Variants in ACAD10 observed in about 807,000 individuals in gnomAD.
ACAD10 encodes the protein ACAD-10.
ACAD10 carries 112 observed loss-of-function variants against 116.8 expected under a neutral mutation model. That is an observed-to-expected ratio of 0.96 (90% CI 0.82 to 1.12). The LOEUF is 1.12. Among genes scored for constraint, ACAD10 ranks in the 50% most tolerant of loss-of-function variants. The pLI, the probability that ACAD10 is intolerant of heterozygous loss-of-function variation, is 0.00. For synonymous variants in ACAD10, 486 were observed against 510.6 expected (o/e 0.95, Z 0.65); for missense variants, 1,259 against 1,350.2 (o/e 0.93, Z 1.06).
At chr12:111,747,545 G>A in intron 16 of ACAD10, 160 bp downstream of exon 16, 1 of 1,464,254 alleles carries the variant, frequency 6.8e-7, no homozygotes, top group Non-Finnish European at 9.0e-7. Flanking sequence ...GAATAGGAGG[G>A]TAATCCGTGG....
intron 6 of ACAD10, among the ~76,000 whole-genome samples, chr12:111,714,205 A>T (rs1888774715): frequency 6.6e-6 from 1 of 151,064 alleles, no homozygotes. Flanking sequence ...AGATCATGCC[A>T]CTGCACTGCA....
chr12:111,707,149 G>A lies in ACAD10; in HGVS notation c.531+1217G>A, dbSNP rs564406761. 7.3e-5 allele frequency among the ~76,000 whole-genome samples: 11 copies of A among 150,954 alleles called. No individual in the cohort carries two copies. The South Asian group carries it at 2.3e-3, about 31-fold the overall frequency. ...CTGTCGCCCAGGTTGGAGTTCAGTG[G>A]CGCAATCTCAGCTCATTGCATCCTC... On this transcript the variant is annotated intron_variant, in intron 4 of 20. Transcript: ENST00000313698.
intron 18 of ACAD10, among the ~76,000 whole-genome samples, chr12:111,750,210 G>A (rs1174343703): frequency 1.3e-5 from 2 of 150,332 alleles, no homozygotes; most frequent in Admixed American, 6.6e-5. Context: ...TCTTGCCTCA[G>A]CCTCCCGAGT....
intron 19 of ACAD10, among the ~76,000 whole-genome samples, chr12:111,754,895 G>A (rs931867754): frequency 1.2e-4 from 18 of 152,194 alleles, no homozygotes; most frequent in African/African-American, 3.6e-4. Context: ...CACTTGCTTC[G>A]CATCTTGTGA....
At chr12:111,744,270 C>G (rs1039457902) in intron 12 of ACAD10, among the ~76,000 whole-genome samples, 3 of 151,992 alleles carry the variant, frequency 2.0e-5, no homozygotes, top group Non-Finnish European at 4.4e-5. Context: ...TGCAGGACTT[C>G]TTATAGCCCA....
chr12:111,728,103 G>A lies in ACAD10; in HGVS notation c.1203G>A (p.Val401=). Residue 401 remains valine, a synonymous_variant, in exon 9 of 21, where the codon GTG becomes GTA. Transcript: ENST00000313698. ...MNTVLCKIHS[V]DLQAVGLEDY... ...CAGTCCTGTGCAAAATTCACAGTGTGGATCTGCAGGCTGTGGGACTTGAAG... is the reference window on the plus strand; with the variant it reads ...CAGTCCTGTGCAAAATTCACAGTGTAGATCTGCAGGCTGTGGGACTTGAAG... The A allele has an allele frequency of 6.2e-7, 1 of 1,611,312 alleles. No homozygotes were observed. The highest frequency in any genetic ancestry group is 8.5e-7 in the Non-Finnish European group (1 of 1,178,906).
At chr12:111,701,798 C>G (rs569793973) in intron 2 of ACAD10, among the ~76,000 whole-genome samples, 23 of 152,322 alleles carry the variant, frequency 1.5e-4, no homozygotes, top group African/African-American at 5.5e-4. Flanking sequence ...CCACCAGGAT[C>G]TGGCTTCTTC....
At position 111,706,019 on chromosome 12, in the gene ACAD10, C is replaced by A. The variant is rs990725926; in HGVS notation, c.531+87C>A. The A allele has an allele frequency of 6.3e-6, 9 of 1,434,834 alleles. No individual in the cohort carries two copies. In the African/African-American group the frequency reaches 1.3e-4, roughly 20 times the overall value. 88.9% of individuals were successfully genotyped at this position (1,434,834 alleles called of 1,614,324 possible). On this transcript the variant is annotated intron_variant, in intron 4 of 20. Transcript: ENST00000313698. ...TGTTAAATGCTATCTTCCAGCAGGTCTTGAGTGAGGGAGTTTTTCCTTCAG... is the reference window on the plus strand; with the variant it reads ...TGTTAAATGCTATCTTCCAGCAGGTATTGAGTGAGGGAGTTTTTCCTTCAG...
At position 111,756,628 on chromosome 12, in the gene ACAD10, C is replaced by A; in HGVS notation, c.*155C>A. 8.0e-7 allele frequency: 1 copy of A among 1,244,168 alleles called. No individual in the cohort carries two copies. The highest frequency in any genetic ancestry group is 1.1e-6 in the Non-Finnish European group (1 of 882,364). 77.1% of individuals were successfully genotyped at this position (1,244,168 alleles called of 1,614,324 possible). A position where few individuals can be genotyped will look rare whatever the true frequency, so the allele number is the denominator to read the frequency against. On this transcript the variant is annotated 3_prime_UTR_variant, in exon 21 of 21. Coordinates refer to ENST00000313698, the MANE Select transcript of ACAD10 (RefSeq NM_025247.6). ...CAGGGTGGACTCAATCTTTCTGGTT[C>A]TCCACAGAAGACGTCTCTGCAAGAA...
At position 111,705,870 on chromosome 12, in the gene ACAD10, A is replaced by G. The variant is rs1216646751; in HGVS notation, c.469A>G (p.Asn157Asp). ...AKGLQTAVLS[N>D]NFYLPNQKSF... ...AGGTCTTCAGACTGCAGTCTTGAGCAATAATTTTTATCTTCCCAACCAGAA... is the reference window on the plus strand; with the variant it reads ...AGGTCTTCAGACTGCAGTCTTGAGCGATAATTTTTATCTTCCCAACCAGAA... Residue 157 changes from asparagine to aspartate, a missense_variant, in exon 4 of 21, where the codon AAT becomes GAT. Physicochemically the swap from Asn to Asp is conservative, Grantham distance 23 (BLOSUM62 1). Coordinates refer to ENST00000313698, the MANE Select transcript of ACAD10 (RefSeq NM_025247.6). 1.2e-6 allele frequency: 2 copies of G among 1,614,138 alleles called. No individual in the cohort carries two copies. The highest frequency in any genetic ancestry group is 1.7e-6 in the Non-Finnish European group (2 of 1,180,014).
At chr12:111,740,191 T>TA (rs1358503684) in intron 12 of ACAD10, among the ~76,000 whole-genome samples, 1 of 152,136 alleles carries the variant, frequency 6.6e-6, no homozygotes, top group Non-Finnish European at 1.5e-5. Context: ...AGGCCAGTCA[T>TA]GATGGCTCAC....
intron 8 of ACAD10, among the ~76,000 whole-genome samples, chr12:111,727,062 C>T (rs1383855963): frequency 6.6e-6 from 1 of 151,740 alleles, no homozygotes; most frequent in Non-Finnish European, 1.5e-5. Flanking sequence ...CCCATCTCTA[C>T]TAAAAATACA....
At chr12:111,687,867 C>T (rs1285998254) in intron 1 of ACAD10, among the ~76,000 whole-genome samples, 1 of 144,638 alleles carries the variant, frequency 6.9e-6, no homozygotes, top group Non-Finnish European at 1.5e-5. Flanking sequence ...CCAAACAAAC[C>T]TTTTTTTTTT....
In ACAD10 at chr12:111,756,730, T is replaced by C; in HGVS notation, c.*257T>C. The C allele has an allele frequency of 1.5e-6, 1 of 653,566 alleles. No individual in the cohort carries two copies. The highest frequency in any genetic ancestry group is 2.8e-6 in the Non-Finnish European group (1 of 360,718). The allele number at this position is 653,566 out of a possible 1,614,324, so 40.5% of individuals were successfully genotyped here. A position where few individuals can be genotyped will look rare whatever the true frequency, so the allele number is the denominator to read the frequency against. ...GGTTCTGGGACAGAGTCTGGAAAGC[T>C]GGTCTTCAGGCTCTCAGTCCCAGGC... On this transcript the variant is annotated 3_prime_UTR_variant, in exon 21 of 21. Coordinates refer to ENST00000313698, the MANE Select transcript of ACAD10 (RefSeq NM_025247.6).
intron 12 of ACAD10, among the ~76,000 whole-genome samples, chr12:111,741,239 AT>A (rs1001802799): frequency 1.3e-5 from 2 of 151,960 alleles, no homozygotes; most frequent in Non-Finnish European, 2.9e-5. Context: ...ACTATTTCCC[AT>A]TTTTTTTATA....
chr12:111,756,064 A>AG (rs967012295), intron 20 of ACAD10: 3 of 1,216,010 alleles, frequency 2.5e-6, no homozygotes, highest in Non-Finnish European at 3.3e-6. Flanking sequence ...TTTCCCATGC[A>AG]GGGGGGCCGC....
In ACAD10 at chr12:111,712,093, G is replaced by A. The variant is rs1006676048; in HGVS notation, c.691-405G>A. 4.6e-4 allele frequency among the ~76,000 whole-genome samples: 70 copies of A among 152,258 alleles called. 1 individual carries two copies. The highest frequency in any genetic ancestry group is 4.3e-3 in the Admixed American group (65 of 15,278). On this transcript the variant is annotated intron_variant, in intron 5 of 20. Transcript: ENST00000313698. ...GGACAAATACAGAATGTAAAGTCTC[G>A]TTCCAGCCAATGGAAACTGGACACA...
At position 111,728,003 on chromosome 12, in the gene ACAD10, G is replaced by C; in HGVS notation, c.1103G>C (p.Gly368Ala). ...TTCTATGTGATGGAGTACTGCCCAGGTCTCATCTACAAAGACCCTTCCCTG... is the reference window on the plus strand; with the variant it reads ...TTCTATGTGATGGAGTACTGCCCAGCTCTCATCTACAAAGACCCTTCCCTG... The part of the protein sequence containing the change: ...TPFYVMEYCP[G>A]LIYKDPSLPG... Residue 368 changes from glycine (G) to alanine (A), a missense_variant, in exon 9 of 21, where the codon GGT becomes GCT. Transcript: ENST00000313698. 5.6e-6 allele frequency: 9 copies of C among 1,613,896 alleles called. No homozygotes were observed. Among genetic ancestry groups the C allele is most frequent in the Non-Finnish European group, 6.8e-6 (8 of 1,179,922 alleles).
In ACAD10 at chr12:111,744,901, G is replaced by T; in HGVS notation, c.1973G>T (p.Ser658Ile). ...SRGGLVISPESLSPPVRELYH... is the reference protein window; with the variant it reads ...SRGGLVISPEILSPPVRELYH... ...GGAGGTCTGGTTATCTCTCCAGAGA[G>T]CCTCTCTCCACCTGTCAGAGAGCTG... The change falls in exon 13 of 21, where the codon AGC (serine) becomes ATC (isoleucine). Residue 658 changes from serine (S) to isoleucine (I), a missense_variant. By Grantham distance (142) the Ser-to-Ile change is moderately radical (BLOSUM62 -2). Transcript: ENST00000313698. 1 of 1,614,160 alleles carries T rather than the reference G, an allele frequency of 6.2e-7. No individual in the cohort carries two copies. The highest frequency in any genetic ancestry group is 8.5e-7 in the Non-Finnish European group (1 of 1,180,020).
Sources: gnomAD v4.1 joint callset for allele counts (sites outside exome capture counted in the v4.1 genomes callset) on GRCh38, gnomAD v4.1.1 for gene constraint, MANE v1.5 for transcripts, NCBI Gene and HGNC (gene_info 2026-07-23, HGNC 2026-07-21) for gene names.